Variants in SETD3 observed in about 807,000 individuals in gnomAD.
The protein encoded by SETD3 is actin-histidine N-methyltransferase.
Under a neutral mutation model 63.0 loss-of-function variants are expected in SETD3, and 19 were observed. The observed-to-expected ratio is 0.30, with a 90% CI of 0.21 to 0.44. The LOEUF is 0.44. Among genes scored for constraint, SETD3 ranks in the 20% least tolerant of loss-of-function variants. SETD3 has a pLI of 1.00. For missense variants in SETD3, 587 were observed against 728.5 expected (o/e 0.81, Z 2.24); for synonymous variants, 286 against 264.1 (o/e 1.08, Z -0.80).
intron 6 of SETD3, among the ~76,000 whole-genome samples, chr14:99,414,310 G>A (rs1208435875): frequency 1.3e-5 from 2 of 152,262 alleles, no homozygotes; most frequent in Non-Finnish European, 2.9e-5. Context: ...GCCCCGCTCT[G>A]CACCTCATGC....
chr14:99,431,126 A>G (rs1893154473), intron 6 of SETD3, among the ~76,000 whole-genome samples: 1 of 152,250 alleles, frequency 6.6e-6, no homozygotes, highest in Admixed American at 6.5e-5. Context: ...CTCTTCACCT[A>G]ACCACCTCAA....
intron 8 of SETD3, among the ~76,000 whole-genome samples, chr14:99,410,926 A>G (rs996933982): frequency 4.6e-5 from 7 of 152,244 alleles, no homozygotes; most frequent in African/African-American, 1.7e-4. Flanking sequence ...CAATAAGAAG[A>G]TGATCGTCAG....
At chr14:99,407,754 A>T (rs558952259) in intron 8 of SETD3, among the ~76,000 whole-genome samples, 1 of 152,082 alleles carries the variant, frequency 6.6e-6, no homozygotes, top group African/African-American at 2.4e-5. Context: ...CCCACAGCCC[A>T]GTCCTTATGC....
upstream of SETD3, among the ~76,000 whole-genome samples, chr14:99,485,368 C>G (rs1896459003): frequency 6.6e-6 from 1 of 152,124 alleles, no homozygotes; most frequent in African/African-American, 2.4e-5. Flanking sequence ...ATTATACTTC[C>G]TAGAGAATAT....
intron 12 of SETD3, 93 bp downstream of exon 12, chr14:99,400,006 G>A: frequency 2.5e-6 from 3 of 1,182,346 alleles, no homozygotes; most frequent in Non-Finnish European, 3.5e-6. Context: ...CTCCCAAAGT[G>A]CTGGGATTAC....
chr14:99,486,210 A>C, the SETD3 span, among the ~76,000 whole-genome samples: 1 of 152,124 alleles, frequency 6.6e-6, no homozygotes, highest in Non-Finnish European at 1.5e-5. Context: ...CTGACATCCC[A>C]TGGTTTGTTT....
chr14:99,468,015 G>T (rs185173344), intron 1 of SETD3, among the ~76,000 whole-genome samples: 2 of 152,266 alleles, frequency 1.3e-5, no homozygotes, highest in African/African-American at 4.8e-5. Flanking sequence ...TTAAGCAGTA[G>T]ATACCATCCT....
At chr14:99,460,427 C>T (rs1331229537) in intron 4 of SETD3, among the ~76,000 whole-genome samples, 2 of 152,074 alleles carry the variant, frequency 1.3e-5, no homozygotes, top group Admixed American at 6.5e-5. Flanking sequence ...CACCTAGTTA[C>T]AGGCAGAGCT....
intron 6 of SETD3, among the ~76,000 whole-genome samples, chr14:99,455,902 C>T (rs575309957): frequency 2.6e-5 from 4 of 152,346 alleles, no homozygotes; most frequent in African/African-American, 9.6e-5. Context: ...CGCCTGTAAT[C>T]CCAGCACTTT....
Position 99,445,422 on chromosome 14 carries a change from T to G in SETD3, c.675+12857A>C, listed in dbSNP as rs200457777. 2.5e-3 allele frequency among the ~76,000 whole-genome samples: 375 copies of G among 152,374 alleles called. 1 individual carries two copies. The highest frequency in any genetic ancestry group is 8.7e-3 in the African/African-American group (362 of 41,592). On this transcript the variant is annotated intron_variant, in intron 6 of 12. Coordinates refer to ENST00000331768, the MANE Select transcript of SETD3 (RefSeq NM_032233.3). Reference sequence around the variant, plus strand: ...AAAAGTCACAACTGTGCTTCCACACTGGGCTGCTGAGAGGTCCCAGACTCA... The same window carrying G: ...AAAAGTCACAACTGTGCTTCCACACGGGGCTGCTGAGAGGTCCCAGACTCA...
chr14:99,410,168 A>G (rs1047351), intron 8 of SETD3: 737,085 of 1,603,508 alleles, frequency 0.46, 173,241 homozygotes, highest in African/African-American at 0.63. Context: ...TAAGGAATGG[A>G]GGGTCTTAGG....
rs192257060 is a variant in SETD3, at chr14:99,443,065, C to T, written c.675+15214G>A. Among the ~76,000 whole-genome samples the T allele has an allele frequency of 3.2e-3, 485 of 152,264 alleles. 3 individuals are homozygous for T. Among genetic ancestry groups the T allele is most frequent in the African/African-American group, 0.01 (423 of 41,534 alleles). On this transcript the variant is annotated intron_variant, in intron 6 of 12. Coordinates refer to ENST00000331768, the MANE Select transcript of SETD3 (RefSeq NM_032233.3). The stretch of plus-strand genomic sequence containing the variant: ...ATCTTCTGATAGGGAGAGTTACATA[C>T]CTGTATTACAAGGTTATTGTGAGGG...
At chr14:99,420,079 G>A (rs1016125250) in intron 6 of SETD3, among the ~76,000 whole-genome samples, 11 of 152,182 alleles carry the variant, frequency 7.2e-5, no homozygotes, top group Non-Finnish European at 4.4e-5. Flanking sequence ...ACAAAAGGAT[G>A]GTAGGCAAGG....
intron 6 of SETD3, among the ~76,000 whole-genome samples, chr14:99,421,988 T>C (rs979949610): frequency 2.6e-5 from 4 of 152,144 alleles, no homozygotes; most frequent in African/African-American, 9.7e-5. Flanking sequence ...ACCATAGAGG[T>C]ATTATAAAAG....
chr14:99,465,881 T>A (rs1344248223), intron 1 of SETD3, 68 bp from the exon 2 acceptor site: 2 of 970,528 alleles, frequency 2.1e-6, no homozygotes, highest in Non-Finnish European at 3.2e-6. Context: ...TAATAAAACA[T>A]GTCCAACACA....
chr14:99,417,139 T>C (rs996536400), intron 6 of SETD3, among the ~76,000 whole-genome samples: 7 of 152,360 alleles, frequency 4.6e-5, no homozygotes, highest in Admixed American at 6.5e-5. Context: ...TTGATCCTTA[T>C]TAAAGTTCCG....
intron 6 of SETD3, among the ~76,000 whole-genome samples, chr14:99,433,953 G>A (rs949017439): frequency 6.6e-6 from 1 of 152,196 alleles, no homozygotes; most frequent in South Asian, 2.1e-4. Flanking sequence ...TGGATAGCTG[G>A]TGCGAGTGTA....
chr14:99,399,089 C>A lies in SETD3; in HGVS notation c.1375G>T (p.Val459Phe), dbSNP rs750487568. 2 of 1,614,042 alleles carry A rather than the reference C, an allele frequency of 1.2e-6. No individual in the cohort carries two copies. The highest frequency in any genetic ancestry group is 1.7e-6 in the Non-Finnish European group (2 of 1,179,994). The stretch of plus-strand genomic sequence containing the variant: ...AATTTGATGGCCATTTTTGCACGAA[C>A]AGAAAGATCGTGGTTTTTCAAGACG... ...KSVLKNHDLS[V>F]RAKMAIKLRL... Residue 459 changes from valine (V) to phenylalanine (F), a missense_variant, in exon 13 of 13, where the codon GTT becomes TTT. Coordinates refer to ENST00000331768, the MANE Select transcript of SETD3 (RefSeq NM_032233.3).
At chr14:99,479,071 T>G (rs1295607372) in intron 1 of SETD3, among the ~76,000 whole-genome samples, 1 of 152,118 alleles carries the variant, frequency 6.6e-6, no homozygotes, top group East Asian at 1.9e-4. Flanking sequence ...AATCTTCAAA[T>G]CCAACACCAC....
Sources: allele counts gnomAD v4.1 joint callset (sites outside exome capture counted in the v4.1 genomes callset), GRCh38; gene constraint gnomAD v4.1.1; transcripts MANE v1.5; gene names NCBI Gene and HGNC (gene_info 2026-07-23, HGNC 2026-07-21).